ABCA4: variants seen among roughly 807,000 people sequenced by gnomAD.
ABCA4 encodes the protein ATP binding cassette subfamily A member 4, also known as retinal-specific phospholipid-transporting ATPase ABCA4.
Under a neutral mutation model 263.7 loss-of-function variants are expected in ABCA4, and 196 were observed. That is an observed-to-expected ratio of 0.74 (90% CI 0.66 to 0.84). The LOEUF (loss-of-function observed/expected upper bound fraction) is 0.84. Among genes scored for constraint, ABCA4 ranks in the 40% least tolerant of loss-of-function variants. The pLI is 0.00. For synonymous variants in ABCA4, 1,133 were observed against 1,094.2 expected, an observed-to-expected ratio of 1.04 and a Z score of -0.70; for missense variants, 2,792 against 2,855.1, an observed-to-expected ratio of 0.98 and a Z score of 0.50.
chr1:94,020,136 G>A lies in ABCA4; in HGVS notation c.5019-377C>T, dbSNP rs181789978. 2.3e-3 allele frequency among the ~76,000 whole-genome samples: 344 copies of A among 152,124 alleles called. 3 individuals are homozygous for A. The highest frequency in any genetic ancestry group is 7.5e-3 in the African/African-American group (313 of 41,474). ...GAATTTTCTATGTTGACAGACATAC[G>A]GTCTGTGAGATTTATCTTTTGTTAA... is the stretch of plus-strand genomic sequence containing the variant. On this transcript the variant is annotated intron_variant, in intron 35 of 49. Transcript: ENST00000370225.
At position 94,005,480 on chromosome 1, in the gene ABCA4, A is replaced by T. The variant is rs779751119; in HGVS notation, c.6108T>A (p.Tyr2036Ter). ...LLTGREHLYL[Y>*]ARLRGVPAEE... ...CTGCTGGTACACCTCGAAGCCGGGC[A>T]TAAAGGTAAAGATGTTCTCGTCCTG... The change falls in exon 44 of 50, where the codon TAT becomes TAA. Residue 2036 changes from tyrosine to a stop codon, truncating the protein, a stop_gained. Transcript: ENST00000370225. LOFTEE classifies it high-confidence loss of function. 5 of 1,614,226 alleles carry T rather than the reference A, an allele frequency of 3.1e-6. No homozygotes were observed. The South Asian group carries it at 5.5e-5, about 18-fold the overall frequency.
intron 30 of ABCA4, among the ~76,000 whole-genome samples, chr1:94,029,110 AT>A (rs11350878): frequency 0.55 from 83,438 of 151,714 alleles, 23,156 homozygotes; most frequent in African/African-American, 0.61. Context: ...CCAAGCGATG[AT>A]TTTTTTTCCT....
intron 19 of ABCA4, among the ~76,000 whole-genome samples, chr1:94,045,224 T>C (rs1660642263): frequency 6.6e-6 from 1 of 152,126 alleles, no homozygotes; most frequent in Non-Finnish European, 1.5e-5. Flanking sequence ...TCCTAGGCAT[T>C]TGCTGATTAA....
intron 8 of ABCA4, among the ~76,000 whole-genome samples, chr1:94,080,085 C>A (rs890539482): frequency 6.6e-6 from 1 of 152,128 alleles, no homozygotes; most frequent in Non-Finnish European, 1.5e-5. Flanking sequence ...TAGATTTTCA[C>A]GATATTGTGT....
chr1:94,062,434 G>T, intron 13 of ABCA4, 143 bp downstream of exon 13: 1 of 941,144 alleles, frequency 1.1e-6, no homozygotes, highest in Non-Finnish European at 1.6e-6. Flanking sequence ...CTCAGTCAGA[G>T]CTCCATGCTC....
intron 16 of ABCA4, 22 bp from the exon 17 acceptor site, chr1:94,051,720 CAG>C (rs1170626303): frequency 2.5e-6 from 4 of 1,591,542 alleles, no homozygotes; most frequent in Non-Finnish European, 2.6e-6. Context: ...GACAAATAAA[CAG>C]AGAAAGTCGA....
chr1:94,069,600 T>C (rs1430239077), intron 11 of ABCA4, among the ~76,000 whole-genome samples: 1 of 152,200 alleles, frequency 6.6e-6, no homozygotes, highest in East Asian at 1.9e-4. Context: ...CACCTGGGGT[T>C]CCTTTTGAGA....
chr1:94,098,966 G>C lies in ABCA4; in HGVS notation c.596C>G (p.Ala199Gly). ...CTCGCTGCAGGCGATGTCCTTCAGCGCCAGGTCCGGGACTCCATGAGCGAA... is the reference window on the plus strand; with the variant it reads ...CTCGCTGCAGGCGATGTCCTTCAGCCCCAGGTCCGGGACTCCATGAGCGAA... The part of the protein sequence containing the change: ...EQFAHGVPDL[A>G]LKDIACSEAL... Residue 199 changes from alanine (A) to glycine (G), a missense_variant, in exon 6 of 50, where the codon GCG (alanine) becomes GGG (glycine). Physicochemically the swap from Ala to Gly is moderately conservative, Grantham distance 60. Transcript: ENST00000370225. 1.9e-6 allele frequency: 3 copies of C among 1,610,218 alleles called. No individual in the cohort carries two copies. The highest frequency in any genetic ancestry group is 2.5e-6 in the Non-Finnish European group (3 of 1,179,928).
At chr1:94,109,399 C>G (rs1043066433) in intron 3 of ABCA4, among the ~76,000 whole-genome samples, 1 of 152,214 alleles carries the variant, frequency 6.6e-6, no homozygotes, top group African/African-American at 2.4e-5. Flanking sequence ...GACAGCCATG[C>G]TTCATCCACA....
chr1:94,080,435 C>T (rs537704501), intron 8 of ABCA4, 43 bp downstream of exon 8: 93 of 1,613,268 alleles, frequency 5.8e-5, no homozygotes, highest in Admixed American at 3.0e-4. Flanking sequence ...TCAACTTAAC[C>T]AACATGAGAG....
chr1:94,113,332 A>AAGGATCATC (rs1662664202), intron 1 of ABCA4, among the ~76,000 whole-genome samples: 1 of 152,238 alleles, frequency 6.6e-6, no homozygotes, highest in Non-Finnish European at 1.5e-5. Flanking sequence ...GACTTTCATA[A>AAGGATCATC]AGGATCATCA....
chr1:94,010,493 T>A, intron 40 of ABCA4: 1 of 456,612 alleles, frequency 2.2e-6, no homozygotes, highest in Non-Finnish European at 4.1e-6. Context: ...GTAACCATTG[T>A]TATTTGCAAT....
At chr1:94,101,334 T>G (rs1023011865) in intron 5 of ABCA4, among the ~76,000 whole-genome samples, 2 of 152,098 alleles carry the variant, frequency 1.3e-5, no homozygotes, top group African/African-American at 4.8e-5. Context: ...CAGCACCCCC[T>G]CTGTGGGGGT....
At chr1:93,997,058 C>T (rs955349024) in intron 48 of ABCA4, among the ~76,000 whole-genome samples, 2 of 152,132 alleles carry the variant, frequency 1.3e-5, no homozygotes, top group South Asian at 2.1e-4. Flanking sequence ...AGAGTTCTAT[C>T]GGGGATGGTG....
At chr1:94,044,107 T>TCCC in intron 20 of ABCA4, among the ~76,000 whole-genome samples, 1 of 19,982 alleles carries the variant, frequency 5.0e-5, no homozygotes, top group South Asian at 9.4e-3. Context: ...CCTTCCTTCC[T>TCCC]TCCTTCCTTC....
chr1:94,012,622 G>C (rs1389267998), intron 38 of ABCA4, among the ~76,000 whole-genome samples: 2 of 152,160 alleles, frequency 1.3e-5, no homozygotes, highest in Non-Finnish European at 2.9e-5. Context: ...GAAATCTACA[G>C]GCTGAAATTG....
intron 29 of ABCA4, among the ~76,000 whole-genome samples, chr1:94,030,085 C>T (rs1295570295): frequency 2.6e-5 from 4 of 152,230 alleles, no homozygotes; most frequent in Admixed American, 6.5e-5. Context: ...GTGTCACTCA[C>T]GCCATTCAAG....
chr1:94,109,648 A>G (rs1662546996), intron 3 of ABCA4, among the ~76,000 whole-genome samples: 1 of 152,200 alleles, frequency 6.6e-6, no homozygotes, highest in Non-Finnish European at 1.5e-5. Flanking sequence ...GAGTAGATAC[A>G]GAGGCCAGGG....
rs921495759 is a variant in ABCA4 at position 94,106,832 on chromosome 1, T to C, written c.442+1745A>G. 3.9e-5 allele frequency among the ~76,000 whole-genome samples: 6 copies of C among 152,080 alleles called. No individual in the cohort carries two copies. In the South Asian group the frequency reaches 8.3e-4, roughly 21 times the overall value. ...CCTCGGAGAAGTTTCCCCTGTTGAC[T>C]CTCCTGTGCTCCTGAATCCCCTCCT... On this transcript the variant is annotated intron_variant, in intron 4 of 49. Transcript: ENST00000370225.
Sources: gnomAD v4.1 joint callset for allele counts (sites outside exome capture counted in the v4.1 genomes callset) on GRCh38, gnomAD v4.1.1 for gene constraint, MANE v1.5 for transcripts, NCBI Gene and HGNC (gene_info 2026-07-23, HGNC 2026-07-21) for gene names.